MAPK12: variants seen among roughly 807,000 people sequenced by gnomAD.
The protein encoded by MAPK12 is mitogen-activated protein kinase 12, also known as MAP kinase 12.
A neutral mutation model predicts 49.1 loss-of-function variants in MAPK12; 49 were observed. The ratio of observed to expected loss-of-function variants is 1.00; its 90% CI spans 0.79 to 1.27. The LOEUF is 1.27. Among genes scored for constraint, MAPK12 ranks in the 50% most tolerant of loss-of-function variants. The probability of loss-of-function intolerance (pLI) is 0.00; values close to 1 mark genes in which losing one functional copy is unlikely to be tolerated. For missense variants in MAPK12, 554 were observed against 502.4 expected (o/e 1.10, Z -0.98); for synonymous variants, 251 against 209.7 (o/e 1.20, Z -1.70).
At chr22:50,258,575 G>A (rs1253768347) in intron 2 of MAPK12, among the ~76,000 whole-genome samples, 2 of 152,268 alleles carry the variant, frequency 1.3e-5, no homozygotes, top group East Asian at 3.8e-4. Context: ...GCAACCCGGA[G>A]TCTGGGATGG....
At chr22:50,257,387 G>T (rs143887978) in intron 3 of MAPK12, among the ~76,000 whole-genome samples, 194 bp from the exon 4 acceptor site, 1 of 152,156 alleles carries the variant, frequency 6.6e-6, no homozygotes, top group South Asian at 2.1e-4. Flanking sequence ...CCATCCTCCC[G>T]CAACTGTTAC....
chr22:50,257,777 G>T, intron 3 of MAPK12: 1 of 702,712 alleles, frequency 1.4e-6, no homozygotes, highest in Middle Eastern at 3.7e-4. Context: ...GCCTTCCTCG[G>T]CCTGGCCCTT....
Position 50,261,522 on chromosome 22 carries a change from A to T in MAPK12, c.-13T>A. ...GCGGAGAGCTCATGGCAGGCCCGGG[A>T]GCTGCCCACCCCGCAGAGCCTGCGG... On this transcript the variant is annotated 5_prime_UTR_variant, in exon 1 of 12. Transcript: ENST00000215659. 1.7e-5 allele frequency: 19 copies of T among 1,146,074 alleles called. No homozygotes were observed. Among genetic ancestry groups the T allele is most frequent in the Non-Finnish European group, 2.0e-5 (18 of 918,342 alleles). 71.0% of individuals were successfully genotyped at this position (1,146,074 alleles called of 1,614,324 possible).
intron 2 of MAPK12, among the ~76,000 whole-genome samples, chr22:50,259,248 T>TGTCCAGGGGGC (rs2065184363): frequency 6.6e-6 from 1 of 151,296 alleles, no homozygotes; most frequent in Non-Finnish European, 1.5e-5. Context: ...ACAGAGGGGG[T>TGTCCAGGGGGC]GTCCAGGGGG....
intron 2 of MAPK12, 88 bp downstream of exon 2, chr22:50,261,079 G>C (rs2065207381): frequency 1.5e-6 from 2 of 1,374,834 alleles, no homozygotes; most frequent in East Asian, 3.1e-5. Context: ...AGGCTGCCTG[G>C]AGGAGGGGTT....
At chr22:50,256,689 AG>A (rs1171995436) in intron 5 of MAPK12, 43 bp from the exon 6 acceptor site, 1 of 1,587,090 alleles carries the variant, frequency 6.3e-7, no homozygotes, top group African/African-American at 1.4e-5. Flanking sequence ...CACCCTCCCA[AG>A]CATGGGCACA....
intron 2 of MAPK12, among the ~76,000 whole-genome samples, chr22:50,258,630 C>T (rs1171007049): frequency 6.6e-6 from 1 of 152,242 alleles, no homozygotes; most frequent in Non-Finnish European, 1.5e-5. Flanking sequence ...CCTTTCACCC[C>T]TCTTCACCCC....
chr22:50,256,831 G>T, intron 5 of MAPK12, 104 bp downstream of exon 5: 1 of 1,538,126 alleles, frequency 6.5e-7, no homozygotes, highest in Admixed American at 2.0e-5. Context: ...TGCATAGGGC[G>T]TGGCTCAGCA....
chr22:50,255,961 C>T, intron 7 of MAPK12, 80 bp from the exon 8 acceptor site: 1 of 1,515,238 alleles, frequency 6.6e-7, no homozygotes, highest in Non-Finnish European at 9.1e-7. Context: ...ACACAGCCCA[C>T]CTGCCCGGCT....
rs1646532612 is a variant in MAPK12, at chr22:50,256,975, C to G, written c.427-11G>C. 6.2e-7 allele frequency: 1 copy of G among 1,606,532 alleles called. No homozygotes were observed. Among genetic ancestry groups the G allele is most frequent in the African/African-American group, 1.3e-5 (1 of 74,842 alleles). The stretch of plus-strand genomic sequence containing the variant: ...GGCAGCGTGGATATACTGCGGGGGG[C>G]AGAGGATTTGGCAGGCTTCAGCGCA... On this transcript the variant is annotated splice_polypyrimidine_tract_variant and intron_variant, in intron 4 of 11. Coordinates refer to ENST00000215659, the MANE Select transcript of MAPK12 (RefSeq NM_002969.6).
At chr22:50,255,167 C>CA (rs2065135886) in intron 11 of MAPK12, 30 bp downstream of exon 11, 3 of 1,612,590 alleles carry the variant, frequency 1.9e-6, no homozygotes, top group Non-Finnish European at 2.5e-6. Context: ...CTTGGGTCCA[C>CA]ACAGGCCGTG....
intron 6 of MAPK12, 22 bp downstream of exon 6, chr22:50,256,577 C>A: frequency 6.2e-7 from 1 of 1,606,862 alleles, no homozygotes; most frequent in Non-Finnish European, 8.5e-7. Context: ...CACCTCAGGG[C>A]CCCCTGCCAG....
chr22:50,257,821 G>C, intron 3 of MAPK12: 1 of 718,958 alleles, frequency 1.4e-6, no homozygotes, highest in Non-Finnish European at 2.6e-6. Context: ...GTCCCAGGGT[G>C]GTCGGCTGCA....
Position 50,255,292 on chromosome 22 carries a change from T to A in MAPK12, c.929A>T (p.Tyr310Phe), listed in dbSNP as rs760174056. The change falls in exon 11 of 12, where the codon TAC becomes TTC. Residue 310 changes from tyrosine to phenylalanine, a missense_variant. By Grantham distance (22) the Tyr-to-Phe change is conservative. Coordinates refer to ENST00000215659, the MANE Select transcript of MAPK12 (RefSeq NM_002969.6). ...TTCCGTGTCGTGCAGGGACTCGAAG[T>A]AGGGATGGGCCAGCGCCTCGCCTGC... ...VTAGEALAHP[Y>F]FESLHDTEDE... The A allele has an allele frequency of 1.2e-5, 20 of 1,613,530 alleles. No individual in the cohort carries two copies. The highest frequency in any genetic ancestry group is 2.7e-5 in the African/African-American group (2 of 74,914).
intron 3 of MAPK12, 112 bp downstream of exon 3, chr22:50,258,131 C>A: frequency 1.0e-6 from 1 of 985,588 alleles, no homozygotes; most frequent in Non-Finnish European, 1.6e-6. Flanking sequence ...GGTGTGCATC[C>A]CCCACTCAGG....
At chr22:50,254,793 G>A (rs967375864) in intron 11 of MAPK12, 78 of 1,142,160 alleles carry the variant, frequency 6.8e-5, no homozygotes, top group Non-Finnish European at 8.4e-5. Flanking sequence ...CAGCAGGTCT[G>A]GGGGCCAGGA....
intron 2 of MAPK12, among the ~76,000 whole-genome samples, chr22:50,260,527 T>C (rs1453091914): frequency 2.6e-5 from 4 of 152,060 alleles, no homozygotes; most frequent in Non-Finnish European, 5.9e-5. Flanking sequence ...GTACGTGGCA[T>C]CTCACTGGAA....
At chr22:50,255,949 C>T in intron 7 of MAPK12, 68 bp from the exon 8 acceptor site, 1 of 1,532,620 alleles carries the variant, frequency 6.5e-7, no homozygotes, top group South Asian at 1.2e-5. Context: ...GAGGAGACAC[C>T]AACACAGCCC....
chr22:50,261,010 G>A (rs1036325496), intron 2 of MAPK12, 157 bp downstream of exon 2: 2 of 817,852 alleles, frequency 2.4e-6, no homozygotes, highest in Non-Finnish European at 3.5e-6. Context: ...AGGAGAGACA[G>A]GCCTTGCTCT....
Sources: gnomAD v4.1 joint callset for allele counts (sites outside exome capture counted in the v4.1 genomes callset) on GRCh38, gnomAD v4.1.1 for gene constraint, MANE v1.5 for transcripts, NCBI Gene and HGNC (gene_info 2026-07-23, HGNC 2026-07-21) for gene names.